Variants in ASCC3 observed in about 807,000 individuals in gnomAD.
ASCC3 encodes ASC-1 complex subunit P200.
Under a neutral mutation model 256.3 loss-of-function variants are expected in ASCC3, and 158 were observed. The ratio of observed to expected loss-of-function variants is 0.62; its 90% confidence interval spans 0.54 to 0.70. The LOEUF (loss-of-function observed/expected upper bound fraction) is 0.70. Ranked by LOEUF, ASCC3 falls within the 30% of genes least tolerant of loss-of-function variation. The pLI is 0.00. For synonymous variants in ASCC3, 948 were observed against 883.4 expected (o/e 1.07, Z -1.30); for missense variants, 2,259 against 2,626.0 (o/e 0.86, Z 3.05).
chr6:100,580,752 T>G, intron 36 of ASCC3, among the ~76,000 whole-genome samples: 1 of 104,996 alleles, frequency 9.5e-6, no homozygotes, highest in Admixed American at 1.3e-4. Flanking sequence ...CCCACAACAG[T>G]CCCCAGAGTG....
intron 4 of ASCC3, among the ~76,000 whole-genome samples, chr6:100,817,075 A>T (rs377231416): frequency 6.6e-6 from 1 of 152,100 alleles, no homozygotes; most frequent in Non-Finnish European, 1.5e-5. Context: ...AGGATAGATC[A>T]TATAGTTAGC....
Position 100,509,984 on chromosome 6 carries a change from G to C in ASCC3, c.6409C>G (p.Arg2137Gly). 1 of 1,613,662 alleles carries C rather than the reference G, an allele frequency of 6.2e-7. No homozygotes were observed. Among genetic ancestry groups the C allele is most frequent in the Non-Finnish European group, 8.5e-7 (1 of 1,179,850 alleles). Residue 2137 changes from arginine (R) to glycine (G), a missense_variant, in exon 41 of 42, where the codon CGA (arginine) becomes GGA (glycine). Coordinates refer to ENST00000369162, the MANE Select transcript of ASCC3 (RefSeq NM_006828.4). ...LIALKRVGYI[R>G]NHHVASLSFY... ...GAAAGGGAAGCAACATGATGATTTCGAATATATCCTACTCTTTTCAAAGCA... is the reference window on the plus strand; with the variant it reads ...GAAAGGGAAGCAACATGATGATTTCCAATATATCCTACTCTTTTCAAAGCA...
chr6:100,677,215 T>C (rs1363128991), intron 14 of ASCC3, among the ~76,000 whole-genome samples: 1 of 152,036 alleles, frequency 6.6e-6, no homozygotes, highest in Non-Finnish European at 1.5e-5. Flanking sequence ...TGAGAAAATA[T>C]TGAGAAAGAT....
At position 100,757,263 on chromosome 6, in the gene ASCC3, C is replaced by T. The variant is rs142703651; in HGVS notation, c.1737+9302G>A. On this transcript the variant is annotated intron_variant, in intron 10 of 41. Transcript: ENST00000369162. ...AGATATACACACACAAACACACACA[C>T]ACACACCACCAACAACAACAACAAA... 7.4e-3 allele frequency among the ~76,000 whole-genome samples: 1,127 copies of T among 152,128 alleles called. 14 individuals are homozygous for T. The highest frequency in any genetic ancestry group is 0.027 in the Middle Eastern group (8 of 294).
chr6:100,545,291 C>G (rs747106656), intron 36 of ASCC3, among the ~76,000 whole-genome samples: 3 of 152,072 alleles, frequency 2.0e-5, no homozygotes, highest in East Asian at 1.9e-4. Flanking sequence ...GCTTCTCTTG[C>G]CCCAGCCTCC....
chr6:100,656,638 A>G (rs1436427494), intron 16 of ASCC3, among the ~76,000 whole-genome samples: 1 of 151,538 alleles, frequency 6.6e-6, no homozygotes, highest in Non-Finnish European at 1.5e-5. Context: ...ATAATTTAAA[A>G]ACACAACAAT....
chr6:100,856,791 G>A (rs1306083224), intron 3 of ASCC3: 1 of 152,060 alleles, frequency 6.6e-6, no homozygotes, highest in African/African-American at 2.4e-5. Context: ...ATACATAGCT[G>A]TAATCCGTTA....
intron 10 of ASCC3, among the ~76,000 whole-genome samples, chr6:100,746,023 G>A (rs1036178551): frequency 4.0e-5 from 6 of 151,712 alleles, no homozygotes; most frequent in Admixed American, 1.3e-4. Flanking sequence ...TATTTGTATA[G>A]CTTTCTTAAA....
intron 10 of ASCC3, among the ~76,000 whole-genome samples, chr6:100,738,949 T>C (rs1374761329): frequency 1.3e-5 from 2 of 152,220 alleles, no homozygotes; most frequent in Admixed American, 6.5e-5. Context: ...TCTTGCCTGA[T>C]TGCCCTGGTG....
intron 30 of ASCC3, among the ~76,000 whole-genome samples, chr6:100,615,950 C>G (rs1427097841): frequency 1.3e-5 from 2 of 152,112 alleles, no homozygotes; most frequent in African/African-American, 4.8e-5. Flanking sequence ...GAATTTTGTA[C>G]CATGAACTAA....
At chr6:100,860,929 G>A (rs1243028526) in intron 3 of ASCC3, among the ~76,000 whole-genome samples, 1 of 152,058 alleles carries the variant, frequency 6.6e-6, no homozygotes, top group Non-Finnish European at 1.5e-5. Flanking sequence ...TAAAGAATCT[G>A]ATCTAAAAGG....
chr6:100,818,748 CAAA>C lies in ASCC3; in HGVS notation c.802-12871_802-12869del, dbSNP rs56668191. 7.0e-3 allele frequency among the ~76,000 whole-genome samples: 409 copies of C among 58,128 alleles called. 1 individual carries two copies. Among genetic ancestry groups the C allele is most frequent in the African/African-American group, 0.027 (341 of 12,772 alleles). The allele number at this position is 58,128 out of a possible 152,430, so 38.1% of individuals were successfully genotyped here. A position where few individuals can be genotyped will look rare whatever the true frequency, so the allele number is the denominator to read the frequency against. On this transcript the variant is annotated intron_variant, in intron 4 of 41. Transcript: ENST00000369162. ...CTAGGCAGGGCAGTTAGGCAAAAGC[CAAA>C]AAAAAAAAAAAAAAAAAAAAAGAAA... is the stretch of plus-strand genomic sequence containing the variant.
intron 30 of ASCC3, among the ~76,000 whole-genome samples, chr6:100,621,086 T>C (rs1210003534): frequency 2.0e-5 from 3 of 152,132 alleles, no homozygotes; most frequent in Non-Finnish European, 4.4e-5. Flanking sequence ...TCAACCCAAA[T>C]GCCCATCAGT....
chr6:100,879,114 A>G (rs1392561782), intron 1 of ASCC3, among the ~76,000 whole-genome samples: 1 of 152,214 alleles, frequency 6.6e-6, no homozygotes, highest in East Asian at 1.9e-4. Flanking sequence ...CCAATTTATT[A>G]TAAAGGATAT....
intron 36 of ASCC3, among the ~76,000 whole-genome samples, chr6:100,576,658 G>A (rs535731442): frequency 6.6e-6 from 1 of 151,880 alleles, no homozygotes; most frequent in East Asian, 1.9e-4. Flanking sequence ...GCATGTAGTG[G>A]GTTCTCAGTA....
intron 13 of ASCC3, 84 bp downstream of exon 13, chr6:100,715,378 A>G (rs1435222817): frequency 6.4e-6 from 8 of 1,245,708 alleles, no homozygotes; most frequent in Non-Finnish European, 8.0e-6. Context: ...TTTCTTCTGA[A>G]GAGCGTAAAT....
intron 36 of ASCC3, among the ~76,000 whole-genome samples, chr6:100,543,194 C>T: frequency 6.7e-6 from 1 of 150,320 alleles, no homozygotes; most frequent in East Asian, 1.9e-4. Flanking sequence ...TACTTTAAGT[C>T]ATCTCTAGAT....
At chr6:100,656,911 C>T (rs1775939909) in intron 16 of ASCC3, among the ~76,000 whole-genome samples, 1 of 150,036 alleles carries the variant, frequency 6.7e-6, no homozygotes, top group Non-Finnish European at 1.5e-5. Flanking sequence ...AGAGATGTTC[C>T]CTACCTAAAT....
intron 5 of ASCC3, among the ~76,000 whole-genome samples, chr6:100,805,257 C>T (rs540228720): frequency 1.3e-5 from 2 of 151,986 alleles, no homozygotes; most frequent in Non-Finnish European, 2.9e-5. Context: ...AGCGAATTAA[C>T]GTAGAAAACC....
Sources: allele counts gnomAD v4.1 joint callset (sites outside exome capture counted in the v4.1 genomes callset), GRCh38; gene constraint gnomAD v4.1.1; transcripts MANE v1.5; gene names NCBI Gene and HGNC (gene_info 2026-07-23, HGNC 2026-07-21).